ZNF442: variants seen among roughly 807,000 people sequenced by gnomAD.
ZNF442 encodes zinc finger protein 442.
ZNF442 carries 45 observed loss-of-function variants against 57.0 expected under a neutral mutation model. The ratio of observed to expected loss-of-function variants is 0.79; its 90% CI spans 0.62 to 1.01. ZNF442 has a LOEUF of 1.01. Among genes scored for constraint, ZNF442 ranks in the 50% least tolerant of loss-of-function variants. The probability of loss-of-function intolerance (pLI) is 0.00; values close to 1 mark genes in which losing one functional copy is unlikely to be tolerated. For synonymous variants in ZNF442, 213 were observed against 241.8 expected, an observed-to-expected ratio of 0.88 and a Z score of 1.10; for missense variants, 690 against 756.5, an observed-to-expected ratio of 0.91 and a Z score of 1.03.
chr19:12,359,583 C>T (rs766426912), intron 3 of ZNF442, among the ~76,000 whole-genome samples: 2 of 152,082 alleles, frequency 1.3e-5, no homozygotes, highest in Non-Finnish European at 2.9e-5. Context: ...GCTCCAGGAC[C>T]GTGAACTTTG....
intron 2 of ZNF442, 37 bp from the exon 3 acceptor site, chr19:12,363,708 G>A: frequency 7.4e-7 from 1 of 1,356,766 alleles, no homozygotes; most frequent in Non-Finnish European, 1.1e-6. Context: ...TGTCCCAAGG[G>A]TTAGCTTTTT....
the ZNF442 span, among the ~76,000 whole-genome samples, chr19:12,371,540 CTG>C: frequency 6.6e-6 from 1 of 152,202 alleles, no homozygotes; most frequent in Non-Finnish European, 1.5e-5. Context: ...TAGTTCATTA[CTG>C]TGTTGATTTA....
the ZNF442 span, among the ~76,000 whole-genome samples, chr19:12,373,065 C>A: frequency 2.0e-5 from 3 of 152,176 alleles, no homozygotes; most frequent in African/African-American, 7.2e-5. Context: ...AGCCACCGCA[C>A]CCAGCCGGAT....
chr19:12,352,950 C>T (rs1328458114), intron 4 of ZNF442, 38 bp downstream of exon 4: 2 of 1,583,528 alleles, frequency 1.3e-6, no homozygotes, highest in Non-Finnish European at 1.7e-6. Context: ...AAAAAAATGT[C>T]TCTAATTGAC....
At chr19:12,371,405 T>G in the ZNF442 span, among the ~76,000 whole-genome samples, 1 of 152,224 alleles carries the variant, frequency 6.6e-6, no homozygotes, top group African/African-American at 2.4e-5. Context: ...ATTAACTGCC[T>G]TTGGAGTAAT....
At position 12,350,173 on chromosome 19, in the gene ZNF442, T is replaced by C; in HGVS notation, c.1412A>G (p.Asp471Gly). The C allele has an allele frequency of 6.2e-7, 1 of 1,613,690 alleles. No homozygotes were observed. Among genetic ancestry groups the C allele is most frequent in the Non-Finnish European group, 8.5e-7 (1 of 1,179,862 alleles). ...TTCATGATTTTGAAAGGAATAGAAA[T>C]CAATAAAGGCTTTCCCACATTTACA... ...YKCKCGKAFI[D>G]FYSFQNHETT... Residue 471 changes from aspartate (D) to glycine (G), a missense_variant, in exon 6 of 6, where the codon GAT (aspartate) becomes GGT (glycine). Coordinates refer to ENST00000242804, the MANE Select transcript of ZNF442 (RefSeq NM_030824.3).
At position 12,350,988 on chromosome 19, in the gene ZNF442, G is replaced by A; in HGVS notation, c.597C>T (p.His199=). 6.2e-7 allele frequency: 1 copy of A among 1,614,104 alleles called. No homozygotes were observed. The highest frequency in any genetic ancestry group is 2.2e-5 in the East Asian group (1 of 44,882). Residue 199 remains histidine, a synonymous_variant, in exon 6 of 6, where the codon CAC becomes CAT. Coordinates refer to ENST00000242804, the MANE Select transcript of ZNF442 (RefSeq NM_030824.3). Reference sequence around the variant, plus strand: ...GTCCACCTCCACGTTGTACTATTATGTGTCTTCGAAGGTTTCCCGAAGAAC... The same window carrying A: ...GTCCACCTCCACGTTGTACTATTATATGTCTTCGAAGGTTTCCCGAAGAAC... The part of the protein sequence containing the change: ...TFSSSGNLRR[H]IIVQRGGGPY...
the ZNF442 span, among the ~76,000 whole-genome samples, chr19:12,372,948 AT>A: frequency 4.6e-5 from 7 of 152,160 alleles, no homozygotes; most frequent in South Asian, 2.1e-4. Flanking sequence ...TAATTTTTGT[AT>A]TTTTAGTAGA....
chr19:12,365,450 GC>G, intron 1 of ZNF442, 82 bp downstream of exon 1: 1 of 347,214 alleles, frequency 2.9e-6, no homozygotes. Context: ...CCGCGGGGAC[GC>G]CCGGGTCCCG....
intron 3 of ZNF442, among the ~76,000 whole-genome samples, chr19:12,358,533 T>C (rs1969373681): frequency 6.6e-6 from 1 of 152,202 alleles, no homozygotes; most frequent in Non-Finnish European, 1.5e-5. Flanking sequence ...TGATTTCTTT[T>C]CCTTTGGATA....
At chr19:12,357,349 CTTTTTTT>C (rs5827145) in intron 3 of ZNF442, among the ~76,000 whole-genome samples, 1 of 95,346 alleles carries the variant, frequency 1.0e-5, no homozygotes, top group South Asian at 3.6e-4. Flanking sequence ...CTTTTTCTTT[CTTTTTTT>C]TTTTTTTTTT....
At chr19:12,364,407 C>CAAAAAAAAAAAAAAAAA (rs35227073) in intron 2 of ZNF442, among the ~76,000 whole-genome samples, 3 of 93,154 alleles carry the variant, frequency 3.2e-5, no homozygotes, top group African/African-American at 1.2e-4. Context: ...AACTCCATCT[C>CAAAAAAAAAAAAAAAAA]AAAAAAAAAA....
chr19:12,373,634 C>A, the ZNF442 span: 3 of 279,582 alleles, frequency 1.1e-5, no homozygotes, highest in South Asian at 1.2e-4. Flanking sequence ...CGCATCTGTT[C>A]AAACCAGCAT....
At chr19:12,372,919 A>G in the ZNF442 span, among the ~76,000 whole-genome samples, 3 of 152,160 alleles carry the variant, frequency 2.0e-5, no homozygotes, top group Non-Finnish European at 2.9e-5. Context: ...GACTATAGGC[A>G]CATGCCACCA....
Position 12,350,198 on chromosome 19 carries a change from A to G in ZNF442, c.1387T>C (p.Cys463Arg), listed in dbSNP as rs1470640505. The change falls in exon 6 of 6, where the codon TGT becomes CGT. Residue 463 changes from cysteine (C) to arginine (R), a missense_variant. By Grantham distance (180) the Cys-to-Arg change is radical (BLOSUM62 -3). Coordinates refer to ENST00000242804, the MANE Select transcript of ZNF442 (RefSeq NM_030824.3). The part of the protein sequence containing the change: ...TTHTGEKPYK[C>R]KCGKAFIDFY... ...TCAATAAAGGCTTTCCCACATTTAC[A>G]TTTATAGGGTTTCTCTCCAGTGTGA... 1 of 1,613,588 alleles carries G rather than the reference A, an allele frequency of 6.2e-7. No individual in the cohort carries two copies. The highest frequency in any genetic ancestry group is 1.7e-5 in the Admixed American group (1 of 59,962).
chr19:12,356,814 C>T (rs552056854), intron 3 of ZNF442, among the ~76,000 whole-genome samples: 9 of 138,776 alleles, frequency 6.5e-5, no homozygotes, highest in Admixed American at 5.7e-4. Flanking sequence ...GGCATAAACA[C>T]ACACACATAC....
At chr19:12,354,304 G>A (rs1969289987) in intron 3 of ZNF442, among the ~76,000 whole-genome samples, 1 of 152,134 alleles carries the variant, frequency 6.6e-6, no homozygotes, top group African/African-American at 2.4e-5. Context: ...AATAAAAGAT[G>A]CTTCACCATC....
intron 1 of ZNF442, 67 bp downstream of exon 1, chr19:12,365,466 A>G: frequency 2.5e-6 from 1 of 397,628 alleles, no homozygotes; most frequent in Non-Finnish European, 4.7e-6. Context: ...GTCCCGCCAC[A>G]GCCGGTTCTG....
upstream of ZNF442, among the ~76,000 whole-genome samples, chr19:12,368,561 C>T (rs903043615): frequency 7.9e-5 from 12 of 152,278 alleles, no homozygotes; most frequent in Non-Finnish European, 7.4e-5. Context: ...GGATCCACGA[C>T]GGAGAAGTCC....
Sources: gnomAD v4.1 joint callset for allele counts (sites outside exome capture counted in the v4.1 genomes callset) on GRCh38, gnomAD v4.1.1 for gene constraint, MANE v1.5 for transcripts, NCBI Gene and HGNC (gene_info 2026-07-23, HGNC 2026-07-21) for gene names.